GALNT13: variants seen among roughly 807,000 people sequenced by gnomAD.
The protein encoded by GALNT13 is polypeptide N-acetylgalactosaminyltransferase 13, also known as UDP-GalNAc:polypeptide N-acetylgalactosaminyltransferase 13.
GALNT13 carries 28 observed loss-of-function variants against 64.2 expected under a neutral mutation model. The ratio of observed to expected loss-of-function variants is 0.44; its 90% confidence interval spans 0.32 to 0.60. GALNT13 has a LOEUF of 0.60. GALNT13 is among the 20% of genes least tolerant of loss of function. GALNT13 has a pLI of 0.05. For missense variants in GALNT13, 577 were observed against 669.8 expected, an observed-to-expected ratio of 0.86 and a Z score of 1.53; for synonymous variants, 214 against 224.6, an observed-to-expected ratio of 0.95 and a Z score of 0.42.
intron 11 of GALNT13, among the ~76,000 whole-genome samples, chr2:154,424,686 C>G (rs940447152): frequency 3.9e-5 from 6 of 152,230 alleles, no homozygotes; most frequent in Non-Finnish European, 8.8e-5. Context: ...TTATTCTACA[C>G]TGGTTGCCAG....
At chr2:154,049,486 A>G (rs1043262577) in intron 3 of GALNT13, among the ~76,000 whole-genome samples, 1 of 144,626 alleles carries the variant, frequency 6.9e-6, no homozygotes, top group African/African-American at 2.5e-5. Flanking sequence ...TCACTGTGAT[A>G]TGAAATATAT....
the GALNT13 span, among the ~76,000 whole-genome samples, chr2:153,573,796 T>C: frequency 6.6e-6 from 1 of 152,146 alleles, no homozygotes. Context: ...GTACTGTCTA[T>C]AACTTGAAAA....
At position 153,944,461 on chromosome 2, in the gene GALNT13, C is replaced by T; in HGVS notation, c.-37C>T. The stretch of plus-strand genomic sequence containing the variant: ...TTGGATTTATCACAGTAGCATTTGT[C>T]TTCAATCTGTGTGTTAACTAGAAAT... On this transcript the variant is annotated 5_prime_UTR_variant, in exon 3 of 13. Coordinates refer to ENST00000392825, the MANE Select transcript of GALNT13 (RefSeq NM_052917.4). 6.2e-7 allele frequency: 1 copy of T among 1,600,296 alleles called. No individual in the cohort carries two copies. Among genetic ancestry groups the T allele is most frequent in the Non-Finnish European group, 8.5e-7 (1 of 1,171,590 alleles).
chr2:153,533,723 CTTTTTTT>C, the GALNT13 span, among the ~76,000 whole-genome samples: 1,129 of 48,762 alleles, frequency 0.023, 29 homozygotes, highest in African/African-American at 0.092. Context: ...TGAGGTTTTT[CTTTTTTT>C]TTTTTTTTTT....
At chr2:154,090,847 G>T (rs968657125) in intron 3 of GALNT13, among the ~76,000 whole-genome samples, 11 of 151,632 alleles carry the variant, frequency 7.3e-5, no homozygotes, top group Admixed American at 5.3e-4. Context: ...TTAAAAAACC[G>T]AATCTACAGT....
At chr2:153,478,736 C>T in the GALNT13 span, 23 of 611,442 alleles carry the variant, frequency 3.8e-5, no homozygotes, top group South Asian at 4.5e-4. Context: ...GGAGCCTCTC[C>T]GACGCGCGCA....
intron 9 of GALNT13, among the ~76,000 whole-genome samples, chr2:154,307,905 ATAGAC>A (rs1289799667): frequency 1.3e-5 from 2 of 152,200 alleles, no homozygotes; most frequent in African/African-American, 4.8e-5. Context: ...GAACTTTAAG[ATAGAC>A]TATAGTCATA....
chr2:153,668,034 T>C, the GALNT13 span, among the ~76,000 whole-genome samples: 3 of 152,128 alleles, frequency 2.0e-5, no homozygotes, highest in South Asian at 2.1e-4. Flanking sequence ...CACTACATAA[T>C]GATAAAGGTC....
chr2:154,001,401 CT>C (rs1695896195), intron 3 of GALNT13, among the ~76,000 whole-genome samples: 1 of 151,652 alleles, frequency 6.6e-6, no homozygotes, highest in Admixed American at 6.6e-5. Context: ...ATTAGCACAT[CT>C]TGATTCTGTA....
At chr2:153,078,964 G>C in the GALNT13 span, among the ~76,000 whole-genome samples, 1 of 152,076 alleles carries the variant, frequency 6.6e-6, no homozygotes, top group Non-Finnish European at 1.5e-5. Context: ...GGTCATATAT[G>C]GTTAATAGTT....
intron 3 of GALNT13, among the ~76,000 whole-genome samples, chr2:153,963,295 A>C (rs1693069852): frequency 6.6e-6 from 1 of 152,198 alleles, no homozygotes; most frequent in Non-Finnish European, 1.5e-5. Context: ...TAGCATATGG[A>C]TGGAGTACAA....
intron 11 of GALNT13, among the ~76,000 whole-genome samples, chr2:154,410,907 C>T (rs1005022760): frequency 6.6e-6 from 1 of 151,898 alleles, no homozygotes; most frequent in African/African-American, 2.4e-5. Flanking sequence ...TTACTTTATT[C>T]ATCTGCACGT....
chr2:154,024,499 C>CT (rs1235289167), intron 3 of GALNT13, among the ~76,000 whole-genome samples: 1 of 152,168 alleles, frequency 6.6e-6, no homozygotes. Flanking sequence ...CCTGAGGCGT[C>CT]TGCATTCGTC....
the GALNT13 span, among the ~76,000 whole-genome samples, chr2:153,733,814 T>A: frequency 6.6e-6 from 1 of 152,170 alleles, no homozygotes; most frequent in Non-Finnish European, 1.5e-5. Context: ...GTCAAATAAT[T>A]TTGAATAAAG....
At chr2:154,131,931 A>T (rs1682643203) in intron 3 of GALNT13, among the ~76,000 whole-genome samples, 1 of 152,198 alleles carries the variant, frequency 6.6e-6, no homozygotes, top group Non-Finnish European at 1.5e-5. Context: ...CCAAAAGCTG[A>T]AGAGCTTGGA....
At chr2:153,843,539 C>G in the GALNT13 span, among the ~76,000 whole-genome samples, 1 of 152,234 alleles carries the variant, frequency 6.6e-6, no homozygotes, top group South Asian at 2.1e-4. Context: ...CTATCCCTGC[C>G]CCTCCCCGCA....
At chr2:154,455,736 G>C (rs549704230), downstream of GALNT13, among the ~76,000 whole-genome samples, 40 of 152,238 alleles carry the variant, frequency 2.6e-4, no homozygotes, top group Non-Finnish European at 4.6e-4. Context: ...GTGTAGCCCA[G>C]TTTGTTTTAT....
chr2:154,166,682 G>A (rs1453827464), intron 4 of GALNT13, among the ~76,000 whole-genome samples: 1 of 152,172 alleles, frequency 6.6e-6, no homozygotes, highest in East Asian at 1.9e-4. Context: ...GCACACATAT[G>A]TTTATTGTGG....
the GALNT13 span, among the ~76,000 whole-genome samples, chr2:153,143,146 G>T: frequency 4.0e-5 from 6 of 151,876 alleles, no homozygotes; most frequent in African/African-American, 1.4e-4. Context: ...GGCATTTTTA[G>T]GCTACTTCTG....
Sources: gnomAD v4.1 joint callset for allele counts (sites outside exome capture counted in the v4.1 genomes callset) on GRCh38, gnomAD v4.1.1 for gene constraint, MANE v1.5 for transcripts, NCBI Gene and HGNC (gene_info 2026-07-23, HGNC 2026-07-21) for gene names.